The following SMG5 variants were observed in gnomAD, a reference collection of about 807,000 sequenced individuals.
SMG5 encodes SMG5 nonsense mediated mRNA decay factor, also known as nonsense-mediated mRNA decay factor SMG5.
SMG5 carries 53 observed loss-of-function variants against 122.9 expected under a neutral mutation model. That is an observed-to-expected ratio of 0.43 (90% CI 0.35 to 0.54). The LOEUF (loss-of-function observed/expected upper bound fraction) is 0.54, where lower values mean the gene tolerates loss of function less well. Ranked by LOEUF, SMG5 falls within the 20% of genes least tolerant of loss-of-function variation. SMG5 has a pLI of 0.01. For synonymous variants in SMG5, 477 were observed against 490.2 expected, an observed-to-expected ratio of 0.97 and a Z score of 0.35; for missense variants, 1,153 against 1,285.6, an observed-to-expected ratio of 0.90 and a Z score of 1.58.
rs1174535123 is a variant in SMG5 at position 156,265,016 on chromosome 1, ACT to A, written c.1855+763_1855+764del. On this transcript the variant is annotated intron_variant, in intron 12 of 21. Transcript: ENST00000361813. ...CCTCCAGCCTGGGCAACAGAGTGAG[ACT>A]CTGTCTCAAAAAAAAAATACACACA... Among the ~76,000 whole-genome samples the A allele has an allele frequency of 2.8e-5, 4 of 143,980 alleles. No individual in the cohort carries two copies. In the South Asian group the frequency reaches 6.7e-4, roughly 24 times the overall value. The allele number at this position is 143,980 out of a possible 152,430, so 94.5% of individuals were successfully genotyped here. A position where few individuals can be genotyped will look rare whatever the true frequency, so the allele number is the denominator to read the frequency against.
chr1:156,265,433 G>A (rs1030942871), intron 12 of SMG5, among the ~76,000 whole-genome samples: 5 of 152,184 alleles, frequency 3.3e-5, no homozygotes, highest in African/African-American at 1.2e-4. Context: ...CACCTGCGCT[G>A]GTGGGTACCA....
In SMG5 at chr1:156,265,973, G is replaced by A; in HGVS notation, c.1663C>T (p.Pro555Ser). Residue 555 changes from proline (P) to serine (S), a missense_variant, in exon 12 of 22, where the codon CCA (proline) becomes TCA (serine). Physicochemically the swap from Pro to Ser is moderately conservative, Grantham distance 74. Transcript: ENST00000361813. ...ATGCTAGCCTCACTGGGGCCCAGTG[G>A]GCCATTGAGGGAATCGGGAGCCTCT... ...RSEAPDSLNGPLGPSEASIAS... is the reference protein window; with the variant it reads ...RSEAPDSLNGSLGPSEASIAS... The A allele has an allele frequency of 6.2e-7, 1 of 1,614,216 alleles. No individual in the cohort carries two copies. The highest frequency in any genetic ancestry group is 8.5e-7 in the Non-Finnish European group (1 of 1,180,042).
chr1:156,260,373 C>A, intron 15 of SMG5, 78 bp downstream of exon 15: 2 of 1,511,228 alleles, frequency 1.3e-6, no homozygotes, highest in East Asian at 2.5e-5. Context: ...CCTGCCCCCT[C>A]CCTCCCCAGA....
intron 20 of SMG5, 86 bp downstream of exon 20, chr1:156,251,309 AGAATTATC>A: frequency 6.9e-7 from 1 of 1,440,614 alleles, no homozygotes; most frequent in Non-Finnish European, 9.8e-7. Context: ...GTGGAGCCTC[AGAATTATC>A]CAGCCCTACC....
At chr1:156,269,807 G>A (rs1280613842) in intron 7 of SMG5, among the ~76,000 whole-genome samples, 5 of 152,156 alleles carry the variant, frequency 3.3e-5, no homozygotes, top group Admixed American at 6.5e-5. Context: ...TCCAGGAGGC[G>A]GAGCTTGCAG....
chr1:156,250,779 G>A (rs1661312215), intron 21 of SMG5, 79 bp downstream of exon 21: 1 of 1,605,212 alleles, frequency 6.2e-7, no homozygotes, highest in East Asian at 2.2e-5. Flanking sequence ...AGGTAGCTAT[G>A]TGGAGGGTCT....
the SMG5 span, chr1:156,291,369 T>A: frequency 6.2e-7 from 1 of 1,612,972 alleles, no homozygotes; most frequent in Non-Finnish European, 8.5e-7. Context: ...GCCTGACCCT[T>A]TTCTTGCCCC....
At chr1:156,271,698 T>C (rs532739617) in intron 7 of SMG5, among the ~76,000 whole-genome samples, 4 of 144,896 alleles carry the variant, frequency 2.8e-5, no homozygotes, top group Non-Finnish European at 6.1e-5. Context: ...GTTCAAGTGA[T>C]TCTCCTGCCT....
upstream of SMG5, among the ~76,000 whole-genome samples, chr1:156,283,309 C>T (rs576983788): frequency 2.6e-5 from 4 of 152,338 alleles, no homozygotes; most frequent in South Asian, 2.1e-4. Flanking sequence ...ACAAGCGTCT[C>T]GGCCCTTCAG....
chr1:156,259,306 G>T, intron 15 of SMG5, 143 bp from the exon 16 acceptor site: 1 of 847,744 alleles, frequency 1.2e-6, no homozygotes, highest in Non-Finnish European at 1.7e-6. Flanking sequence ...GAAGATTTGT[G>T]GTCTATGGGG....
chr1:156,280,409 A>G (rs1662885849), intron 1 of SMG5, among the ~76,000 whole-genome samples: 1 of 152,240 alleles, frequency 6.6e-6, no homozygotes, highest in African/African-American at 2.4e-5. Context: ...TGCCCTACAC[A>G]GGGTGAAGTG....
At chr1:156,264,648 T>G (rs7512751) in intron 12 of SMG5, among the ~76,000 whole-genome samples, 73,076 of 151,830 alleles carry the variant, frequency 0.48, 17,848 homozygotes, top group Admixed American at 0.59. Flanking sequence ...TAAAATCTAG[T>G]GGGGGCAAGT....
Position 156,266,313 on chromosome 1 carries a change from T to C in SMG5, c.1323A>G (p.Thr441=). ...TCTTTCTGCCCTCACCCACTTGGGG[T>C]GTTACAGGAGGAGGCTCAGGATCTG... ...EEPDPEPPPV[T]PQVGEGRKSR... The change falls in exon 12 of 22, where the codon ACA becomes ACG. Residue 441 remains threonine (T), a synonymous_variant. Coordinates refer to ENST00000361813, the MANE Select transcript of SMG5 (RefSeq NM_015327.3). 1 of 1,613,900 alleles carries C rather than the reference T, an allele frequency of 6.2e-7. No individual in the cohort carries two copies. The highest frequency in any genetic ancestry group is 8.5e-7 in the Non-Finnish European group (1 of 1,179,966).
intron 20 of SMG5, 78 bp from the exon 21 acceptor site, chr1:156,251,074 CA>C: frequency 6.4e-7 from 1 of 1,560,234 alleles, no homozygotes; most frequent in Non-Finnish European, 8.7e-7. Flanking sequence ...CTCCAGGGGA[CA>C]GGGGCAGCTG....
intron 4 of SMG5, 64 bp downstream of exon 4, chr1:156,277,020 GA>G: frequency 1.3e-6 from 2 of 1,543,134 alleles, no homozygotes; most frequent in Non-Finnish European, 1.8e-6. Flanking sequence ...CATGAACCCT[GA>G]GGGATAAGGC....
intron 1 of SMG5, among the ~76,000 whole-genome samples, chr1:156,282,385 G>A (rs1231693455): frequency 6.6e-6 from 1 of 152,056 alleles, no homozygotes; most frequent in African/African-American, 2.4e-5. Flanking sequence ...ACTGCAGAGG[G>A]GATTCCTCCA....
Position 156,274,603 on chromosome 1 carries a change from C to T in SMG5, c.538G>A (p.Asp180Asn). 1 of 1,613,420 alleles carries T rather than the reference C, an allele frequency of 6.2e-7. No individual in the cohort carries two copies. Among genetic ancestry groups the T allele is most frequent in the Non-Finnish European group, 8.5e-7 (1 of 1,179,496 alleles). ...ACHRCLVYLG[D>N]LSRYQNELAG... ...GAAAGGTGCAAATTCTTACACAAAT[C>T]CCCCAGATACACCAGACATCGGTGA... The change falls in exon 5 of 22, where the codon GAT becomes AAT. Residue 180 changes from aspartate (D) to asparagine (N), a missense_variant. This residue lies in a region of SMG5 where 85 missense variants were observed against 127.3 expected (regional missense o/e 0.67). Transcript: ENST00000361813.
At chr1:156,279,846 T>C (rs1254783737) in intron 1 of SMG5, among the ~76,000 whole-genome samples, 1 of 152,208 alleles carries the variant, frequency 6.6e-6, no homozygotes, top group Non-Finnish European at 1.5e-5. Context: ...TTGTTGAACA[T>C]AGTGGTTAAG....
chr1:156,259,121 T>C lies in SMG5; in HGVS notation c.2326A>G (p.Ile776Val), dbSNP rs1661701737. ...AGGATGCTGCCTTGCAGGCGGGCGATGAAATGACCAAAGCTGCGGATGCAG... is the reference window on the plus strand; with the variant it reads ...AGGATGCTGCCTTGCAGGCGGGCGACGAAATGACCAAAGCTGCGGATGCAG... The part of the protein sequence containing the change: ...ICCIRSFGHF[I>V]ARLQGSILQF... Residue 776 changes from isoleucine (I) to valine (V), a missense_variant, in exon 16 of 22, where the codon ATC (isoleucine) becomes GTC (valine). By Grantham distance (29) the Ile-to-Val change is conservative (BLOSUM62 3). This residue lies in a region of SMG5 where 631 missense variants were observed against 650.6 expected (regional missense o/e 0.97). Coordinates refer to ENST00000361813, the MANE Select transcript of SMG5 (RefSeq NM_015327.3). 3 of 1,606,660 alleles carry C rather than the reference T, an allele frequency of 1.9e-6. No homozygotes were observed. The highest frequency in any genetic ancestry group is 4.5e-5 in the East Asian group (2 of 44,720).
Sources: gnomAD v4.1 joint callset for allele counts (sites outside exome capture counted in the v4.1 genomes callset) on GRCh38, gnomAD v4.1.1 for gene constraint, gnomAD v4.1.1 regional missense constraint, MANE v1.5 for transcripts, NCBI Gene and HGNC (gene_info 2026-07-23, HGNC 2026-07-21) for gene names.